The following AKAP7 variants were observed in gnomAD, a reference collection of about 807,000 sequenced individuals.
AKAP7 encodes the protein A kinase (PRKA) anchor protein 7.
AKAP7 carries 39 observed loss-of-function variants against 39.5 expected under a neutral mutation model. The observed-to-expected ratio is 0.99, with a 90% confidence interval of 0.76 to 1.29. AKAP7 has a LOEUF of 1.29. AKAP7 is among the 50% of genes most tolerant of loss of function. The pLI is 0.00. For missense variants in AKAP7, 414 were observed against 407.7 expected, an observed-to-expected ratio of 1.02 and a Z score of -0.13; for synonymous variants, 140 against 139.1, an observed-to-expected ratio of 1.01 and a Z score of -0.05.
At chr6:131,183,910 G>T (rs533389654) in intron 5 of AKAP7, among the ~76,000 whole-genome samples, 2 of 152,286 alleles carry the variant, frequency 1.3e-5, no homozygotes, top group African/African-American at 4.8e-5. Context: ...AGAGGCTCTG[G>T]CCTGGCTCGC....
chr6:131,249,156 C>A lies in AKAP7; in HGVS notation c.850+29348C>A, dbSNP rs973449628. Among the ~76,000 whole-genome samples the A allele has an allele frequency of 4.6e-4, 70 of 152,032 alleles. 5 individuals are homozygous for A. Among genetic ancestry groups the A allele is most frequent in the Non-Finnish European group, 2.9e-5 (2 of 68,010 alleles). On this transcript the variant is annotated intron_variant, in intron 7 of 7. Transcript: ENST00000431975. ...TCAGTCAGATCTTTGCTTTTTATTC[C>A]ATAGATCTTCACAATATTTCTAATG...
At chr6:131,171,753 G>C (rs1804075417) in intron 5 of AKAP7, among the ~76,000 whole-genome samples, 1 of 152,168 alleles carries the variant, frequency 6.6e-6, no homozygotes, top group Non-Finnish European at 1.5e-5. Flanking sequence ...AGAATGGAGA[G>C]GGGAAACTGA....
chr6:131,256,715 A>G (rs1812887945), intron 7 of AKAP7, among the ~76,000 whole-genome samples: 1 of 150,804 alleles, frequency 6.6e-6, no homozygotes, highest in Non-Finnish European at 1.5e-5. Flanking sequence ...GGACATTATT[A>G]TTATTATTAT....
At chr6:131,157,267 A>G (rs1392288796) in intron 2 of AKAP7, among the ~76,000 whole-genome samples, 1 of 152,204 alleles carries the variant, frequency 6.6e-6, no homozygotes. Flanking sequence ...TTATTATTCT[A>G]AAATTACACA....
chr6:131,173,827 T>C (rs1323558753), intron 5 of AKAP7, among the ~76,000 whole-genome samples: 1 of 152,230 alleles, frequency 6.6e-6, no homozygotes, highest in Non-Finnish European at 1.5e-5. Context: ...ACATTTCTAA[T>C]TACTCATTCA....
intron 7 of AKAP7, among the ~76,000 whole-genome samples, chr6:131,267,561 C>G (rs1318622607): frequency 6.6e-6 from 1 of 152,174 alleles, no homozygotes; most frequent in Non-Finnish European, 1.5e-5. Flanking sequence ...TTCAGGGTCT[C>G]TCCCTTGCAT....
At chr6:131,196,761 A>G (rs1190792) in intron 5 of AKAP7, among the ~76,000 whole-genome samples, 130,112 of 152,056 alleles carry the variant, frequency 0.86, 55,961 homozygotes, top group African/African-American at 0.93. Flanking sequence ...TCTTTAAAAA[A>G]TATGAATTTT....
chr6:131,258,133 C>G (rs981480957), intron 7 of AKAP7, among the ~76,000 whole-genome samples: 1 of 152,098 alleles, frequency 6.6e-6, no homozygotes, highest in Non-Finnish European at 1.5e-5. Context: ...GAAATGTAGC[C>G]TTAAGTCAGA....
chr6:131,236,718 G>A (rs1447836978), intron 7 of AKAP7, among the ~76,000 whole-genome samples: 1 of 152,132 alleles, frequency 6.6e-6, no homozygotes, highest in African/African-American at 2.4e-5. Flanking sequence ...TCTGTTATTG[G>A]TGTATAAGAA....
At chr6:131,222,873 G>A (rs1007484577) in intron 7 of AKAP7, among the ~76,000 whole-genome samples, 1 of 152,160 alleles carries the variant, frequency 6.6e-6, no homozygotes, top group Non-Finnish European at 1.5e-5. Context: ...TTCATGAAAG[G>A]AAGAGTCGAT....
intron 7 of AKAP7, among the ~76,000 whole-genome samples, chr6:131,226,039 C>T (rs1053640082): frequency 2.0e-5 from 3 of 152,122 alleles, no homozygotes; most frequent in Non-Finnish European, 4.4e-5. Flanking sequence ...GATGAGGTGC[C>T]CACATTACCA....
intron 7 of AKAP7, among the ~76,000 whole-genome samples, chr6:131,221,066 T>C (rs1163285960): frequency 6.6e-6 from 1 of 152,140 alleles, no homozygotes; most frequent in Non-Finnish European, 1.5e-5. Flanking sequence ...GATGAAATAA[T>C]CCGAAAGCTA....
At position 131,207,802 on chromosome 6, in the gene AKAP7, C is replaced by T. The variant is rs117618013; in HGVS notation, c.702+8229C>T. ...CTAACAAAGGAGAGGCACAGAGAAG[C>T]CTGGAGACTACCCTGCCACTTCCTT... On this transcript the variant is annotated intron_variant, in intron 6 of 7. Transcript: ENST00000431975. 5.6e-3 allele frequency among the ~76,000 whole-genome samples: 847 copies of T among 152,140 alleles called. 3 individuals carry two copies. The highest frequency in any genetic ancestry group is 0.01 in the Non-Finnish European group (692 of 67,982).
Position 131,145,342 on chromosome 6 carries a change from A to T in AKAP7, c.77A>T (p.Glu26Val). 1.9e-6 allele frequency: 3 copies of T among 1,570,268 alleles called. No individual in the cohort carries two copies. The highest frequency in any genetic ancestry group is 2.6e-6 in the Non-Finnish European group (3 of 1,154,354). The part of the protein sequence containing the change: ...NVSRKKKMSE[E>V]FEANTMDSLV... ...TCAAGAAAAAAGAAAATGTCAGAGGAATTTGAAGCCAATACTATGGATTCT... is the reference window on the plus strand; with the variant it reads ...TCAAGAAAAAAGAAAATGTCAGAGGTATTTGAAGCCAATACTATGGATTCT... Residue 26 changes from glutamate (E) to valine (V), a missense_variant, in exon 2 of 8, where the codon GAA becomes GTA. Physicochemically the swap from Glu to Val is moderately radical, Grantham distance 121. Transcript: ENST00000431975.
At chr6:131,236,359 T>G (rs1410663425) in intron 7 of AKAP7, among the ~76,000 whole-genome samples, 1 of 152,224 alleles carries the variant, frequency 6.6e-6, no homozygotes, top group Non-Finnish European at 1.5e-5. Flanking sequence ...GCTTTGTTCT[T>G]TTGGCTTAGG....
In AKAP7 at chr6:131,208,553, C is replaced by G. The variant is rs1384098191; in HGVS notation, c.702+8980C>G. On this transcript the variant is annotated intron_variant, in intron 6 of 7. Transcript: ENST00000431975. ...TGGAATGGAGATTTGAAGCAAGTAT[C>G]TTCAATAGCATTTTCTGAGATTTTT... is the stretch of plus-strand genomic sequence containing the variant. 5.9e-5 allele frequency among the ~76,000 whole-genome samples: 9 copies of G among 152,320 alleles called. No individual in the cohort carries two copies. The East Asian group carries it at 1.7e-3, about 29-fold the overall frequency.
At chr6:131,207,588 G>A (rs574607753) in intron 6 of AKAP7, among the ~76,000 whole-genome samples, 110 of 145,224 alleles carry the variant, frequency 7.6e-4, no homozygotes, top group Non-Finnish European at 8.7e-4. Flanking sequence ...TCACACCTTG[G>A]CCTCCCATAG....
At chr6:131,171,788 A>G (rs962554241) in intron 5 of AKAP7, among the ~76,000 whole-genome samples, 3 of 152,214 alleles carry the variant, frequency 2.0e-5, no homozygotes, top group South Asian at 2.1e-4. Flanking sequence ...GAGCACTTGT[A>G]TGGTAGGTGT....
chr6:131,153,143 AAGAG>A (rs547988566), intron 2 of AKAP7, among the ~76,000 whole-genome samples: 21 of 151,540 alleles, frequency 1.4e-4, no homozygotes, highest in Non-Finnish European at 2.4e-4. Flanking sequence ...AAAAAAAAAA[AAGAG>A]AGAGAGAGAT....
Sources: allele counts gnomAD v4.1 joint callset (sites outside exome capture counted in the v4.1 genomes callset), GRCh38; gene constraint gnomAD v4.1.1; transcripts MANE v1.5; gene names NCBI Gene and HGNC (gene_info 2026-07-23, HGNC 2026-07-21).